Variants in PLCB1 observed in about 807,000 individuals in gnomAD.
The protein encoded by PLCB1 is 1-phosphatidylinositol 4,5-bisphosphate phosphodiesterase beta-1.
In PLCB1, 46 loss-of-function variants were observed where a neutral mutation model predicts 161.8. That is an observed-to-expected ratio of 0.28 (90% CI 0.22 to 0.36). The LOEUF is 0.36. Among genes scored for constraint, PLCB1 ranks in the 10% least tolerant of loss-of-function variants. PLCB1 has a pLI of 1.00. For synonymous variants in PLCB1, 517 were observed against 503.7 expected (o/e 1.03, Z -0.35); for missense variants, 1,016 against 1,472.5 (o/e 0.69, Z 5.07).
rs773597859 is a variant in PLCB1, at chr20:8,649,452, G to A, written c.594+3G>A. ...CTTGTAGTCTTCCATCTTCAAGGGT[G>A]AGCATGTGTGTTATGCTATAGTTTG... On this transcript the variant is annotated splice_donor_region_variant and intron_variant, in intron 7 of 31. Transcript: ENST00000338037. The A allele has an allele frequency of 1.2e-6, 2 of 1,600,242 alleles. No individual in the cohort carries two copies. Among genetic ancestry groups the A allele is most frequent in the South Asian group, 1.1e-5 (1 of 90,786 alleles).
intron 3 of PLCB1, among the ~76,000 whole-genome samples, chr20:8,472,719 A>G (rs1038045710): frequency 6.6e-6 from 1 of 152,104 alleles, no homozygotes; most frequent in Non-Finnish European, 1.5e-5. Context: ...TGTTGCATTG[A>G]TCACCCAAGT....
At chr20:8,643,874 C>A (rs1041549885) in intron 4 of PLCB1, among the ~76,000 whole-genome samples, 1 of 150,676 alleles carries the variant, frequency 6.6e-6, no homozygotes. Context: ...GCCGCCATCT[C>A]GGCTCACTGC....
intron 3 of PLCB1, among the ~76,000 whole-genome samples, chr20:8,445,717 T>C (rs1267217861): frequency 1.3e-5 from 2 of 152,046 alleles, no homozygotes; most frequent in Admixed American, 6.6e-5. Context: ...TCCTCTTTTA[T>C]TTCGTTGAGC....
intron 31 of PLCB1, among the ~76,000 whole-genome samples, chr20:8,877,344 A>G (rs895666498): frequency 6.6e-6 from 1 of 152,236 alleles, no homozygotes; most frequent in Non-Finnish European, 1.5e-5. Flanking sequence ...TAAATCTGTT[A>G]GGGGAAAGGT....
At chr20:8,751,146 A>G (rs1357473497) in intron 23 of PLCB1, 3 of 224,766 alleles carry the variant, frequency 1.3e-5, no homozygotes, top group South Asian at 5.0e-5. Context: ...GGATTTCACC[A>G]TGTTAGCCAG....
At chr20:8,484,470 C>A (rs528233576) in intron 3 of PLCB1, among the ~76,000 whole-genome samples, 1 of 150,558 alleles carries the variant, frequency 6.6e-6, no homozygotes, top group Non-Finnish European at 1.5e-5. Flanking sequence ...CAAGTGTTCT[C>A]CTGCCTCAGC....
chr20:8,780,344 C>T (rs1983154138), intron 27 of PLCB1, among the ~76,000 whole-genome samples: 1 of 152,094 alleles, frequency 6.6e-6, no homozygotes. Context: ...GTGCTCGACC[C>T]ACCATTTTGT....
chr20:8,339,387 AC>A (rs1985715607), intron 2 of PLCB1, among the ~76,000 whole-genome samples: 1 of 152,152 alleles, frequency 6.6e-6, no homozygotes, highest in Non-Finnish European at 1.5e-5. Flanking sequence ...TAGGCTGGGG[AC>A]AGGAGGCAAT....
At chr20:8,287,592 G>A (rs754804076) in intron 2 of PLCB1, among the ~76,000 whole-genome samples, 15 of 152,156 alleles carry the variant, frequency 9.9e-5, no homozygotes, top group South Asian at 4.2e-4. Context: ...CATGTTCCCC[G>A]CATTCATCTT....
intron 2 of PLCB1, among the ~76,000 whole-genome samples, chr20:8,176,825 A>G (rs1354887833): frequency 1.3e-5 from 2 of 152,300 alleles, no homozygotes; most frequent in East Asian, 3.9e-4. Flanking sequence ...TTATCTCAAT[A>G]AAATTTCAAT....
chr20:8,564,600 A>G (rs372729918), intron 3 of PLCB1, among the ~76,000 whole-genome samples: 2 of 152,214 alleles, frequency 1.3e-5, no homozygotes, highest in East Asian at 1.9e-4. Context: ...ACAAAGGGCT[A>G]ATATTCAGAA....
chr20:8,513,474 A>G (rs546076579), intron 3 of PLCB1, among the ~76,000 whole-genome samples: 3 of 152,358 alleles, frequency 2.0e-5, no homozygotes, highest in East Asian at 1.9e-4. Context: ...AGTATAAACA[A>G]TTATATTCAA....
At chr20:8,643,011 T>C (rs946290183) in intron 4 of PLCB1, among the ~76,000 whole-genome samples, 1 of 152,238 alleles carries the variant, frequency 6.6e-6, no homozygotes, top group African/African-American at 2.4e-5. Flanking sequence ...GATTTTTAAT[T>C]TGTTAGATAG....
chr20:8,518,556 A>G (rs1417330914), intron 3 of PLCB1, among the ~76,000 whole-genome samples: 1 of 152,056 alleles, frequency 6.6e-6, no homozygotes, highest in Non-Finnish European at 1.5e-5. Flanking sequence ...AGATTTCATT[A>G]GTTCATTAGT....
intron 3 of PLCB1, among the ~76,000 whole-genome samples, chr20:8,571,245 G>T (rs1986502300): frequency 6.6e-6 from 1 of 152,192 alleles, no homozygotes; most frequent in Non-Finnish European, 1.5e-5. Context: ...ACTTTGGGAG[G>T]CTGGGACAGA....
intron 3 of PLCB1, among the ~76,000 whole-genome samples, chr20:8,514,725 A>G (rs546481416): frequency 5.3e-5 from 8 of 152,276 alleles, no homozygotes; most frequent in South Asian, 4.2e-4. Context: ...TAAAACAAAA[A>G]CAGTATCTTT....
chr20:8,829,076 A>G (rs1485368935), intron 31 of PLCB1, among the ~76,000 whole-genome samples: 1 of 152,228 alleles, frequency 6.6e-6, no homozygotes, highest in African/African-American at 2.4e-5. Flanking sequence ...GGTGGAATCT[A>G]TGTGGTAGGT....
intron 11 of PLCB1, among the ~76,000 whole-genome samples, chr20:8,704,123 G>T (rs1177467442): frequency 6.6e-6 from 1 of 152,192 alleles, no homozygotes; most frequent in Non-Finnish European, 1.5e-5. Context: ...GGAGGCTGAA[G>T]CAGGCAGATA....
At chr20:8,674,013 G>A (rs6055990) in intron 9 of PLCB1, among the ~76,000 whole-genome samples, 145,882 of 152,204 alleles carry the variant, frequency 0.96, 69,949 homozygotes, top group East Asian at 1. Context: ...TCCTCAAACA[G>A]TGACTGATGG....
Sources: gnomAD v4.1 joint callset for allele counts (sites outside exome capture counted in the v4.1 genomes callset) on GRCh38, gnomAD v4.1.1 for gene constraint, MANE v1.5 for transcripts, NCBI Gene and HGNC (gene_info 2026-07-23, HGNC 2026-07-21) for gene names.